NFILZ: variants seen among roughly 807,000 people sequenced by gnomAD.
NFILZ encodes the protein NFIL3 like basic leucine zipper, also known as NFIL3 like protein.
At chr19:8,654,420 C>A (rs1391210084) in intron 3 of NFILZ, among the ~76,000 whole-genome samples, 2 of 151,820 alleles carry the variant, frequency 1.3e-5, no homozygotes, top group African/African-American at 2.4e-5. Context: ...GAGTTCGAGA[C>A]CAGCCTGGGC....
rs1451630790 is a variant in NFILZ at position 8,672,965 on chromosome 19, G to A, written c.-163-1586G>A. Among the ~76,000 whole-genome samples, 3 of 152,116 alleles carry A rather than the reference G, an allele frequency of 2.0e-5. No individual in the cohort carries two copies. In the East Asian group the frequency reaches 5.8e-4, roughly 29 times the overall value. On this transcript the variant is annotated intron_variant, in intron 3 of 5. Coordinates refer to ENST00000691075, the MANE Select transcript of NFILZ (RefSeq NM_001378600.1). ...CTGGGCTCATGGTGGGTTTGTGGGG[G>A]ACAAGGGTGGAGGCTGGTGGGGGCC...
chr19:8,637,220 C>A, intron 3 of NFILZ, among the ~76,000 whole-genome samples: 1 of 152,078 alleles, frequency 6.6e-6, no homozygotes, highest in African/African-American at 2.4e-5. Context: ...ATGACGCACA[C>A]ATATAATCTC....
chr19:8,648,673 AAAAC>A (rs1307917329), intron 3 of NFILZ, among the ~76,000 whole-genome samples: 21 of 150,918 alleles, frequency 1.4e-4, no homozygotes, highest in Admixed American at 2.0e-4. Flanking sequence ...CAAACAAAAC[AAAAC>A]AAACAAACAA....
chr19:8,674,168 G>T (rs540602005), intron 3 of NFILZ, among the ~76,000 whole-genome samples: 1 of 152,246 alleles, frequency 6.6e-6, no homozygotes, highest in South Asian at 2.1e-4. Flanking sequence ...GCCCAACCAA[G>T]ATTTCCAGAC....
chr19:8,642,135 G>A (rs1328854891), intron 3 of NFILZ, among the ~76,000 whole-genome samples: 1 of 151,674 alleles, frequency 6.6e-6, no homozygotes, highest in African/African-American at 2.4e-5. Flanking sequence ...AAGCCACCAT[G>A]CCTGGCCTAT....
chr19:8,656,440 C>CT lies in NFILZ; in HGVS notation c.-163-18110dup, dbSNP rs1212122823. ...CCCACCTCTTTCCGCAGCCCACCTT[C>CT]TCCTCGAAGCCCACCTTCTCTCTGA... On this transcript the variant is annotated intron_variant, in intron 3 of 5. Transcript: ENST00000691075. 4.6e-4 allele frequency among the ~76,000 whole-genome samples: 36 copies of CT among 77,896 alleles called. 1 individual carries two copies. Among genetic ancestry groups the CT allele is most frequent in the East Asian group, 1.8e-3 (3 of 1,672 alleles). The allele number at this position is 77,896 out of a possible 152,430, so 51.1% of individuals were successfully genotyped here. A position where few individuals can be genotyped will look rare whatever the true frequency, so the allele number is the denominator to read the frequency against.
chr19:8,662,248 G>A (rs2043035026), intron 3 of NFILZ, among the ~76,000 whole-genome samples: 1 of 151,816 alleles, frequency 6.6e-6, no homozygotes, highest in South Asian at 2.1e-4. Context: ...GGGAGCAAAA[G>A]TGTCTGGAAT....
intron 3 of NFILZ, among the ~76,000 whole-genome samples, chr19:8,649,229 G>A (rs564054716): frequency 6.6e-6 from 1 of 150,976 alleles, no homozygotes; most frequent in East Asian, 2.0e-4. Flanking sequence ...GCCTCCCAAA[G>A]TGCTGGGATT....
chr19:8,641,169 C>T (rs1335492357), intron 3 of NFILZ, among the ~76,000 whole-genome samples: 1 of 152,060 alleles, frequency 6.6e-6, no homozygotes, highest in African/African-American at 2.4e-5. Context: ...CACACCTCAG[C>T]CTCCCGCGTA....
intron 3 of NFILZ, among the ~76,000 whole-genome samples, chr19:8,654,638 T>C (rs1555748137): frequency 1.3e-5 from 2 of 151,830 alleles, no homozygotes; most frequent in African/African-American, 4.8e-5. Context: ...TATTAAAAAA[T>C]AGAATAAAAA....
rs2043127395 is a variant in NFILZ at position 8,678,190 on chromosome 19, CGTCCATCT to C, written c.*556_*563del. 1.4e-4 allele frequency among the ~76,000 whole-genome samples: 7 copies of C among 50,724 alleles called. No homozygotes were observed. Among genetic ancestry groups the C allele is most frequent in the Middle Eastern group, 0.01 (1 of 96 alleles). The allele number at this position is 50,724 out of a possible 152,430, so 33.3% of individuals were successfully genotyped here. A position where few individuals can be genotyped will look rare whatever the true frequency, so the allele number is the denominator to read the frequency against. On this transcript the variant is annotated 3_prime_UTR_variant, in exon 6 of 6. Coordinates refer to ENST00000691075, the MANE Select transcript of NFILZ (RefSeq NM_001378600.1). ...CCATCCATCCATCCATCCATCCATC[CGTCCATCT>C]ATCCATCCATCCATTCATCCATCCG... is the stretch of plus-strand genomic sequence containing the variant.
In NFILZ at chr19:8,678,052, CCACCCA is replaced by C. The variant is rs2043121061; in HGVS notation, c.*418_*423del. ...TCTATCCATCCATCCATCCATCCAT[CCACCCA>C]TCTATTCATCCATCCATCAATCCAT... On this transcript the variant is annotated 3_prime_UTR_variant, in exon 6 of 6. Transcript: ENST00000691075. Among the ~76,000 whole-genome samples, 2 of 111,376 alleles carry C rather than the reference CCACCCA, an allele frequency of 1.8e-5. No individual in the cohort carries two copies. Among genetic ancestry groups the C allele is most frequent in the African/African-American group, 3.5e-5 (1 of 28,758 alleles). The allele number at this position is 111,376 out of a possible 152,430, so 73.1% of individuals were successfully genotyped here.
At position 8,639,840 on chromosome 19, in the gene NFILZ, G is replaced by A. The variant is rs7508111; in HGVS notation, c.-164+4094G>A. The stretch of plus-strand genomic sequence containing the variant: ...GTGTGTGTGTTGGGTGTCTCTGGGC[G>A]GCAGCTGAGCCAGGTGGCCATTAGT... On this transcript the variant is annotated intron_variant, in intron 3 of 5. Transcript: ENST00000691075. Among the ~76,000 whole-genome samples, 199 of 152,230 alleles carry A rather than the reference G, an allele frequency of 1.3e-3. 5 individuals carry two copies. The East Asian group carries it at 0.034, about 26-fold the overall frequency.
chr19:8,656,352 T>TCCTGCAGCCCACCTTC (rs2042996781), intron 3 of NFILZ, among the ~76,000 whole-genome samples: 1 of 28,830 alleles, frequency 3.5e-5, no homozygotes, highest in African/African-American at 1.0e-4. Flanking sequence ...AGCCCACCTC[T>TCCTGCAGCCCACCTTC]TCCCTGAAGC....
chr19:8,631,073 ACTT>A (rs2042867547), intron 1 of NFILZ, among the ~76,000 whole-genome samples: 2 of 152,172 alleles, frequency 1.3e-5, no homozygotes, highest in African/African-American at 4.8e-5. Flanking sequence ...GCTTTCTCAA[ACTT>A]ACTTAACTCC....
chr19:8,632,732 T>C (rs1197056944), intron 2 of NFILZ, 107 bp downstream of exon 2: 1 of 151,880 alleles, frequency 6.6e-6, no homozygotes, highest in East Asian at 1.9e-4. Context: ...TTCCTTTTTT[T>C]TTTTTTTTGA....
At chr19:8,639,185 G>A (rs2042908359) in intron 3 of NFILZ, among the ~76,000 whole-genome samples, 1 of 152,096 alleles carries the variant, frequency 6.6e-6, no homozygotes, top group Admixed American at 6.6e-5. Flanking sequence ...CCATGTGGTT[G>A]GAGCAGAGTG....
chr19:8,651,267 T>G (rs2042963768), intron 3 of NFILZ, among the ~76,000 whole-genome samples: 1 of 151,878 alleles, frequency 6.6e-6, no homozygotes, highest in South Asian at 2.1e-4. Context: ...GTTCAAGCGA[T>G]TCTCCTGCCT....
At chr19:8,673,051 G>A (rs1269997818) in intron 3 of NFILZ, among the ~76,000 whole-genome samples, 10 of 152,134 alleles carry the variant, frequency 6.6e-5, no homozygotes, top group African/African-American at 2.2e-4. Flanking sequence ...GAGAGGGGTG[G>A]ATGCAACTGT....
Sources: gnomAD v4.1 joint callset for allele counts (sites outside exome capture counted in the v4.1 genomes callset) on GRCh38, gnomAD v4.1.1 for gene constraint, MANE v1.5 for transcripts, NCBI Gene and HGNC (gene_info 2026-07-23, HGNC 2026-07-21) for gene names.